The following TSTD2 variants were observed in gnomAD, a reference collection of about 807,000 sequenced individuals.
TSTD2 encodes thiosulfate sulfurtransferase/rhodanese-like domain-containing protein 2.
TSTD2 carries 37 observed loss-of-function variants against 47.9 expected under a neutral mutation model. The observed-to-expected ratio is 0.77, with a 90% CI of 0.59 to 1.02. TSTD2 has a LOEUF of 1.02. TSTD2 is among the 50% of genes least tolerant of loss of function. The pLI is 0.00. For missense variants in TSTD2, 586 were observed against 616.0 expected, an observed-to-expected ratio of 0.95 and a Z score of 0.52; for synonymous variants, 201 against 215.9, an observed-to-expected ratio of 0.93 and a Z score of 0.61.
rs745501409 is a variant in TSTD2 at position 97,605,532 on chromosome 9, C to T, written c.1064G>A (p.Cys355Tyr). 4.3e-6 allele frequency: 7 copies of T among 1,614,060 alleles called. No homozygotes were observed. Among genetic ancestry groups the T allele is most frequent in the African/African-American group, 2.7e-5 (2 of 74,924 alleles). The change falls in exon 8 of 10, where the codon TGT becomes TAT. Residue 355 changes from cysteine to tyrosine, a missense_variant. Cys to Tyr is a radical substitution (Grantham distance 194, BLOSUM62 -2). Transcript: ENST00000341170. Reference protein sequence around the residue: ...LFREKRVLMYCTGGIRCERGS... With the variant: ...LFREKRVLMYYTGGIRCERGS... Reference sequence around the variant, plus strand: ...CCGCTCACAGCGGATGCCCCCGGTACAGTACATCAGCACTCTCTTCTCTCT... The same window carrying T: ...CCGCTCACAGCGGATGCCCCCGGTATAGTACATCAGCACTCTCTTCTCTCT...
rs1210288961 is a variant in TSTD2, at chr9:97,601,096, C to T, written c.*1373G>A. On this transcript the variant is annotated 3_prime_UTR_variant, in exon 10 of 10. Coordinates refer to ENST00000341170, the MANE Select transcript of TSTD2 (RefSeq NM_139246.5). ...ACTGGAGGCGGGGCCAGGGCCTCAGCGCTATGGAAGAGTGTCCACTGAGGC... is the reference window on the plus strand; with the variant it reads ...ACTGGAGGCGGGGCCAGGGCCTCAGTGCTATGGAAGAGTGTCCACTGAGGC... 6 of 1,304,286 alleles carry T rather than the reference C, an allele frequency of 4.6e-6. No homozygotes were observed. The highest frequency in any genetic ancestry group is 2.3e-5 in the Admixed American group (1 of 43,564). 80.8% of individuals were successfully genotyped at this position (1,304,286 alleles called of 1,614,324 possible). A position where few individuals can be genotyped will look rare whatever the true frequency, so the allele number is the denominator to read the frequency against.
intron 6 of TSTD2, chr9:97,610,136 A>G (rs1415634943): frequency 5.0e-6 from 2 of 400,442 alleles, no homozygotes; most frequent in East Asian, 8.2e-5. Flanking sequence ...ACCAAGAGGA[A>G]TAAGATAGGT....
At chr9:97,630,378 C>T (rs779385653) in intron 1 of TSTD2, among the ~76,000 whole-genome samples, 25 of 152,130 alleles carry the variant, frequency 1.6e-4, no homozygotes, top group Non-Finnish European at 3.1e-4. Flanking sequence ...TGCTATGTGC[C>T]GGGCCCATGG....
chr9:97,633,092 CG>C (rs1257648990), intron 1 of TSTD2, among the ~76,000 whole-genome samples, 150 bp downstream of exon 1: 1 of 152,238 alleles, frequency 6.6e-6, no homozygotes, highest in East Asian at 1.9e-4. Context: ...CGCACGCTCG[CG>C]TCAGGGCCGG....
rs759973939 is a variant in TSTD2 at position 97,625,716 on chromosome 9, A to G, written c.447T>C (p.Pro149=). 2 of 1,613,920 alleles carry G rather than the reference A, an allele frequency of 1.2e-6. No individual in the cohort carries two copies. The highest frequency in any genetic ancestry group is 8.5e-7 in the Non-Finnish European group (1 of 1,179,880). The change falls in exon 3 of 10, where the codon CCT becomes CCC. Residue 149 remains proline, a synonymous_variant. Coordinates refer to ENST00000341170, the MANE Select transcript of TSTD2 (RefSeq NM_139246.5). ...PHSHDVSAWL[P]DISCFNPDEL... is the part of the protein sequence containing the mutation. The stretch of plus-strand genomic sequence containing the variant: ...CATCAGGGTTAAAGCAGCTTATATC[A>G]GGGAGCCAAGCAGACACGTCATGGC...
chr9:97,628,183 A>G (rs1826753385), intron 1 of TSTD2, among the ~76,000 whole-genome samples: 1 of 152,246 alleles, frequency 6.6e-6, no homozygotes, highest in African/African-American at 2.4e-5. Context: ...CTTAGAAGAA[A>G]TAGTTCCCAA....
chr9:97,610,373 G>A lies in TSTD2; in HGVS notation c.808C>T (p.Pro270Ser), dbSNP rs1259229144. The change falls in exon 6 of 10, where the codon CCC becomes TCC. Residue 270 changes from proline (P) to serine (S), a missense_variant. Transcript: ENST00000341170. ...GGCTTCTTGTAGGAGATCTTTTTGG[G>A]GCTGATCCCCATGGGCACGATTTCT... ...FEEIVPMGIS[P>S]KKISYKKPGI... 1 of 1,603,442 alleles carries A rather than the reference G, an allele frequency of 6.2e-7. No homozygotes were observed. The highest frequency in any genetic ancestry group is 8.5e-7 in the Non-Finnish European group (1 of 1,175,786).
At chr9:97,628,502 A>G (rs1826757927) in intron 1 of TSTD2, among the ~76,000 whole-genome samples, 1 of 152,184 alleles carries the variant, frequency 6.6e-6, no homozygotes, top group Admixed American at 6.5e-5. Context: ...AAATATTAAT[A>G]TATAGTGTCT....
intron 4 of TSTD2, among the ~76,000 whole-genome samples, chr9:97,612,489 TACA>T (rs1826475025): frequency 6.6e-6 from 1 of 152,252 alleles, no homozygotes; most frequent in Non-Finnish European, 1.5e-5. Context: ...CCTTTTTCTC[TACA>T]ACCTCACCAG....
chr9:97,610,151 C>G, intron 6 of TSTD2, 195 bp downstream of exon 6: 1 of 437,122 alleles, frequency 2.3e-6, no homozygotes, highest in South Asian at 5.1e-5. Context: ...ATAGGTCACT[C>G]GAAGAGGTGA....
chr9:97,620,530 A>T (rs937954297), intron 3 of TSTD2, among the ~76,000 whole-genome samples: 7 of 152,230 alleles, frequency 4.6e-5, no homozygotes, highest in Admixed American at 1.3e-4. Context: ...AACAGTTTGG[A>T]GGGCTGAGAA....
At chr9:97,627,242 T>G in intron 2 of TSTD2, 156 bp downstream of exon 2, 1 of 1,334,754 alleles carries the variant, frequency 7.5e-7, no homozygotes, top group Non-Finnish European at 9.6e-7. Context: ...ACACCTTGCC[T>G]ATGATTACCC....
chr9:97,602,287 G>T lies in TSTD2; in HGVS notation c.*182C>A. ...GCATCATCCAAATCAGAATGTCTCA[G>T]GTAAGTGGTAGACAACGTGACTCCT... On this transcript the variant is annotated 3_prime_UTR_variant, in exon 10 of 10. Transcript: ENST00000341170. The T allele has an allele frequency of 3.0e-6, 2 of 665,638 alleles. No homozygotes were observed. Among genetic ancestry groups the T allele is most frequent in the Non-Finnish European group, 4.9e-6 (2 of 404,314 alleles). 41.2% of individuals were successfully genotyped at this position (665,638 alleles called of 1,614,324 possible).
At chr9:97,613,784 G>A (rs942913486) in intron 4 of TSTD2, among the ~76,000 whole-genome samples, 1 of 151,248 alleles carries the variant, frequency 6.6e-6, no homozygotes, top group Non-Finnish European at 1.5e-5. Flanking sequence ...CCTTTTTTAG[G>A]GTCCAGAGAA....
chr9:97,626,525 C>T (rs1038908979), intron 2 of TSTD2, among the ~76,000 whole-genome samples: 2 of 152,150 alleles, frequency 1.3e-5, no homozygotes, highest in African/African-American at 4.8e-5. Context: ...AAAATATCTT[C>T]CTTCTTGGAA....
chr9:97,627,689 C>T, intron 1 of TSTD2, 77 bp from the exon 2 acceptor site: 1 of 979,066 alleles, frequency 1.0e-6, no homozygotes. Flanking sequence ...ATCAATCACG[C>T]AAATCAGCAT....
At chr9:97,632,401 C>G (rs773420896) in intron 1 of TSTD2, among the ~76,000 whole-genome samples, 29 of 151,868 alleles carry the variant, frequency 1.9e-4, no homozygotes, top group Admixed American at 4.6e-4. Context: ...TTGACACGGT[C>G]TCACTTTGTT....
intron 4 of TSTD2, among the ~76,000 whole-genome samples, chr9:97,617,094 A>G (rs562115922): frequency 2.6e-5 from 4 of 152,362 alleles, no homozygotes; most frequent in Admixed American, 6.5e-5. Context: ...TCAGATAGTA[A>G]TAAATCCTTT....
intron 5 of TSTD2, among the ~76,000 whole-genome samples, 163 bp from the exon 6 acceptor site, chr9:97,610,614 TAA>T (rs1359715662): frequency 6.6e-6 from 1 of 152,254 alleles, no homozygotes; most frequent in Non-Finnish European, 1.5e-5. Context: ...TCAACATTGA[TAA>T]ATACTTACTG....
Sources: allele counts gnomAD v4.1 joint callset (sites outside exome capture counted in the v4.1 genomes callset), GRCh38; gene constraint gnomAD v4.1.1; transcripts MANE v1.5; gene names NCBI Gene and HGNC (gene_info 2026-07-23, HGNC 2026-07-21).